The following ART3 variants were observed in gnomAD, a reference collection of about 807,000 sequenced individuals.
The protein encoded by ART3 is ADP-ribosyltransferase 3 (inactive), also known as ecto-ADP-ribosyltransferase 3.
A neutral mutation model predicts 48.5 loss-of-function variants in ART3; 49 were observed. That is an observed-to-expected ratio of 1.01 (90% CI 0.80 to 1.28). ART3 has a LOEUF of 1.28. Among genes scored for constraint, ART3 ranks in the 50% most tolerant of loss-of-function variants. ART3 has a pLI of 0.00. For missense variants in ART3, 438 were observed against 454.3 expected (o/e 0.96, Z 0.33); for synonymous variants, 145 against 157.2 (o/e 0.92, Z 0.58).
chr4:76,082,095 T>C lies in ART3; in HGVS notation c.341T>C (p.Leu114Pro), dbSNP rs1722614374. The part of the protein sequence containing the change: ...EAQEQTPFYH[L>P]FSEAVKMAGQ... ...CAAGAGCAAACTCCCTTTTACCATC[T>C]GTTCAGTGAAGCTGTGAAGATGGCT... is the stretch of plus-strand genomic sequence containing the variant. The change falls in exon 3 of 12, where the codon CTG becomes CCG. Residue 114 changes from leucine (L) to proline (P), a missense_variant. By Grantham distance (98) the Leu-to-Pro change is moderately conservative. Coordinates refer to ENST00000355810, the MANE Select transcript of ART3 (RefSeq NM_001130016.3). The C allele has an allele frequency of 1.9e-6, 3 of 1,614,240 alleles. No individual in the cohort carries two copies. In the South Asian group the frequency reaches 3.3e-5, roughly 18 times the overall value.
chr4:76,026,709 G>C (rs1225214598), intron 1 of ART3, among the ~76,000 whole-genome samples: 1 of 152,072 alleles, frequency 6.6e-6, no homozygotes, highest in Non-Finnish European at 1.5e-5. Context: ...TTTTTTATCT[G>C]TAATTAAGCA....
chr4:76,107,807 C>T lies in ART3; in HGVS notation c.1036+14C>T, dbSNP rs768105803. ...TCAACAATCCTAGTAAGAAGTATCT[C>T]ATTTCCTCAGTTGATAAATGCCTGC... On this transcript the variant is annotated intron_variant, in intron 11 of 11. Coordinates refer to ENST00000355810, the MANE Select transcript of ART3 (RefSeq NM_001130016.3). 6.1e-6 allele frequency: 9 copies of T among 1,467,370 alleles called. No homozygotes were observed. The highest frequency in any genetic ancestry group is 6.5e-6 in the Non-Finnish European group (7 of 1,084,732). The allele number at this position is 1,467,370 out of a possible 1,614,324, so 90.9% of individuals were successfully genotyped here.
At chr4:76,025,112 G>A (rs993139399) in intron 1 of ART3, among the ~76,000 whole-genome samples, 7 of 152,172 alleles carry the variant, frequency 4.6e-5, no homozygotes, top group African/African-American at 1.4e-4. Flanking sequence ...AGGGAGGTGA[G>A]GTAGAGACTG....
intron 2 of ART3, among the ~76,000 whole-genome samples, chr4:76,077,190 C>T (rs1031189711): frequency 1.3e-5 from 2 of 152,172 alleles, no homozygotes; most frequent in African/African-American, 2.4e-5. Context: ...CCAATTTTCT[C>T]CATCCCCCAT....
chr4:76,023,263 A>T, intron 1 of ART3: 8 of 814,634 alleles, frequency 9.8e-6, no homozygotes, highest in Admixed American at 2.0e-5. Context: ...CCTCTTATTT[A>T]TAAGCATGCA....
chr4:76,101,724 C>A (rs1158913601), intron 8 of ART3, among the ~76,000 whole-genome samples: 4 of 151,934 alleles, frequency 2.6e-5, no homozygotes, highest in Non-Finnish European at 1.5e-5. Flanking sequence ...TGCACTCTAG[C>A]CTGGGTGACA....
intron 1 of ART3, among the ~76,000 whole-genome samples, chr4:76,038,494 T>C (rs1470169330): frequency 2.0e-5 from 3 of 152,190 alleles, no homozygotes; most frequent in Non-Finnish European, 4.4e-5. Flanking sequence ...TTCCATTAAT[T>C]CATTTAACAT....
intron 1 of ART3, among the ~76,000 whole-genome samples, chr4:76,039,759 GA>G (rs1015811356): frequency 4.3e-4 from 66 of 152,080 alleles, no homozygotes; most frequent in African/African-American, 1.6e-3. Flanking sequence ...AAAGACCCTG[GA>G]AATTATTAAA....
intron 1 of ART3, among the ~76,000 whole-genome samples, chr4:76,051,141 G>T (rs537623677): frequency 6.6e-6 from 1 of 152,262 alleles, no homozygotes; most frequent in East Asian, 1.9e-4. Context: ...CTCAAGTGCC[G>T]CCAAAGTGGG....
chr4:76,057,405 T>C (rs1051551613), intron 1 of ART3, among the ~76,000 whole-genome samples: 9 of 152,200 alleles, frequency 5.9e-5, no homozygotes, highest in African/African-American at 1.9e-4. Flanking sequence ...TTTCCTGTTC[T>C]AGATAATTGT....
At chr4:76,032,259 T>G (rs960824578) in intron 1 of ART3, among the ~76,000 whole-genome samples, 11 of 150,502 alleles carry the variant, frequency 7.3e-5, no homozygotes, top group Admixed American at 2.0e-4. Context: ...CAGGCTGGAG[T>G]GCAGTGGTGT....
chr4:76,065,155 G>A (rs1482450971), intron 1 of ART3, among the ~76,000 whole-genome samples: 1 of 152,142 alleles, frequency 6.6e-6, no homozygotes, highest in South Asian at 2.1e-4. Context: ...AATCAAGGAG[G>A]AAGTGTTTGC....
intron 3 of ART3, among the ~76,000 whole-genome samples, chr4:76,088,315 G>C (rs938565657): frequency 2.6e-5 from 4 of 151,814 alleles, no homozygotes; most frequent in Admixed American, 6.6e-5. Flanking sequence ...TTTCCATAGA[G>C]AGAGGCGTGC....
intron 1 of ART3, among the ~76,000 whole-genome samples, chr4:76,042,681 G>A (rs576130100): frequency 2.4e-4 from 36 of 151,750 alleles, no homozygotes; most frequent in African/African-American, 8.0e-4. Flanking sequence ...CCTTCTGGTG[G>A]GTTCGTGGTC....
chr4:76,023,376 A>T, intron 1 of ART3: 1 of 1,612,612 alleles, frequency 6.2e-7, no homozygotes, highest in Non-Finnish European at 8.5e-7. Context: ...CTTACCTTGA[A>T]TGCCACTTAG....
intron 10 of ART3, among the ~76,000 whole-genome samples, chr4:76,105,363 A>G (rs975027778): frequency 1.3e-5 from 2 of 152,074 alleles, no homozygotes; most frequent in Non-Finnish European, 2.9e-5. Context: ...TTCACTTTCT[A>G]CGCCCCTGCT....
intron 1 of ART3, among the ~76,000 whole-genome samples, chr4:76,035,643 C>T (rs1471699816): frequency 1.3e-5 from 2 of 152,158 alleles, no homozygotes; most frequent in African/African-American, 2.4e-5. Flanking sequence ...TTAACATGAT[C>T]GCTATATAAA....
intron 1 of ART3, among the ~76,000 whole-genome samples, chr4:76,066,392 G>A (rs1338544769): frequency 2.6e-5 from 4 of 152,116 alleles, no homozygotes; most frequent in Non-Finnish European, 5.9e-5. Flanking sequence ...TCTGTGGGCA[G>A]GCAGGTCGTC....
At chr4:76,050,479 G>C (rs1735952621) in intron 1 of ART3, among the ~76,000 whole-genome samples, 1 of 152,154 alleles carries the variant, frequency 6.6e-6, no homozygotes, top group Non-Finnish European at 1.5e-5. Flanking sequence ...GCTGATTGGT[G>C]TATTTACAAA....
Sources: allele counts gnomAD v4.1 joint callset (sites outside exome capture counted in the v4.1 genomes callset), GRCh38; gene constraint gnomAD v4.1.1; transcripts MANE v1.5; gene names NCBI Gene and HGNC (gene_info 2026-07-23, HGNC 2026-07-21).